The following SENP7 variants were observed in gnomAD, a reference collection of about 807,000 sequenced individuals.
SENP7 encodes the protein sentrin-specific protease 7.
In SENP7, 64 loss-of-function variants were observed where a neutral mutation model predicts 141.2. The observed-to-expected ratio is 0.45, with a 90% CI of 0.37 to 0.56. SENP7 has a LOEUF of 0.56. Ranked by LOEUF, SENP7 falls within the 20% of genes least tolerant of loss-of-function variation. The pLI is 0.00. For synonymous variants in SENP7, 382 were observed against 426.4 expected (o/e 0.90, Z 1.28); for missense variants, 1,025 against 1,212.2 (o/e 0.85, Z 2.29).
chr3:101,388,031 C>A (rs2060709017), intron 6 of SENP7, among the ~76,000 whole-genome samples: 1 of 152,128 alleles, frequency 6.6e-6, no homozygotes, highest in African/African-American at 2.4e-5. Flanking sequence ...CTGGCTAGCC[C>A]AGCCACCACA....
intron 13 of SENP7, among the ~76,000 whole-genome samples, chr3:101,344,608 A>G (rs201751577): frequency 1.4e-3 from 207 of 152,210 alleles, no homozygotes; most frequent in Non-Finnish European, 2.6e-3. Context: ...TCTAAACCCA[A>G]CTCCTTCAGG....
At chr3:101,461,004 A>C (rs961283538) in intron 3 of SENP7, among the ~76,000 whole-genome samples, 1 of 152,104 alleles carries the variant, frequency 6.6e-6, no homozygotes, top group Non-Finnish European at 1.5e-5. Flanking sequence ...TAAAGACAAA[A>C]ATAGTTTTTA....
chr3:101,508,467 C>T (rs1402214017), intron 1 of SENP7, among the ~76,000 whole-genome samples: 1 of 151,984 alleles, frequency 6.6e-6, no homozygotes, highest in Non-Finnish European at 1.5e-5. Context: ...GGCGTGGTGG[C>T]GGGCTCCTGT....
chr3:101,470,868 A>G (rs375673913), intron 3 of SENP7, among the ~76,000 whole-genome samples: 5 of 152,094 alleles, frequency 3.3e-5, no homozygotes, highest in African/African-American at 1.2e-4. Context: ...CAGACAAACA[A>G]AGAGCCAAAT....
At position 101,372,339 on chromosome 3, in the gene SENP7, GA is replaced by G. The variant is rs200352753; in HGVS notation, c.678-214del. Among the ~76,000 whole-genome samples, 1,453 of 151,630 alleles carry G rather than the reference GA, an allele frequency of 9.6e-3. 23 individuals are homozygous for G. The highest frequency in any genetic ancestry group is 0.034 in the African/African-American group (1,387 of 41,388). On this transcript the variant is annotated intron_variant, in intron 6 of 23. Coordinates refer to ENST00000394095, the MANE Select transcript of SENP7 (RefSeq NM_020654.5). ...TAAATTCCCCATGTGTGTTTAGGGG[GA>G]AAAAAAATGAGATATCAACATTGGA...
chr3:101,337,059 CAA>C (rs1213633495), intron 17 of SENP7: 1 of 152,182 alleles, frequency 6.6e-6, no homozygotes, highest in Non-Finnish European at 1.5e-5. Context: ...AGTGAGACAG[CAA>C]AGATTAGCAG....
Position 101,388,244 on chromosome 3 carries a change from A to C in SENP7, c.677+10617T>G, listed in dbSNP as rs551126494. On this transcript the variant is annotated intron_variant, in intron 6 of 23. Coordinates refer to ENST00000394095, the MANE Select transcript of SENP7 (RefSeq NM_020654.5). ...CTGTTAGAAGCCTGGGGGTCCAAGG[A>C]CCAGCACATCCAGCCTGCCACCACC... Among the ~76,000 whole-genome samples, 29 of 152,202 alleles carry C rather than the reference A, an allele frequency of 1.9e-4. No individual in the cohort carries two copies. In the East Asian group the frequency reaches 2.5e-3, roughly 13 times the overall value.
intron 11 of SENP7, among the ~76,000 whole-genome samples, chr3:101,355,149 C>G (rs959388965): frequency 3.9e-5 from 6 of 152,048 alleles, no homozygotes; most frequent in Non-Finnish European, 7.4e-5. Context: ...CAAATATTTC[C>G]TCCCATTCTG....
Position 101,433,228 on chromosome 3 carries a change from C to T in SENP7, c.285-15438G>A, listed in dbSNP as rs549069787. 2.3e-3 allele frequency among the ~76,000 whole-genome samples: 349 copies of T among 151,236 alleles called. 1 individual carries two copies. Among genetic ancestry groups the T allele is most frequent in the African/African-American group, 8.1e-3 (335 of 41,220 alleles). On this transcript the variant is annotated intron_variant, in intron 4 of 23. Coordinates refer to ENST00000394095, the MANE Select transcript of SENP7 (RefSeq NM_020654.5). ...GTAATAAGATAGTATTTTCAAGCCT[C>T]ATGGTAACCTCAAACCAAAAAACAT...
chr3:101,348,181 T>C, intron 12 of SENP7, 130 bp from the exon 13 acceptor site: 1 of 581,618 alleles, frequency 1.7e-6, no homozygotes, highest in South Asian at 4.6e-5. Context: ...TTTTCAAAAA[T>C]ATATTTCCAG....
intron 4 of SENP7, among the ~76,000 whole-genome samples, chr3:101,422,818 A>G (rs1228244663): frequency 6.6e-6 from 1 of 152,182 alleles, no homozygotes; most frequent in Non-Finnish European, 1.5e-5. Flanking sequence ...TAATCACAGC[A>G]GAAAAAAAAT....
intron 4 of SENP7, among the ~76,000 whole-genome samples, chr3:101,448,343 T>C (rs1007055141): frequency 2.0e-5 from 3 of 152,234 alleles, no homozygotes; most frequent in Admixed American, 2.0e-4. Context: ...GAAAATCATA[T>C]ACCTGATAAG....
chr3:101,402,804 T>C (rs533280270), intron 5 of SENP7, among the ~76,000 whole-genome samples: 2 of 152,080 alleles, frequency 1.3e-5, no homozygotes, highest in Non-Finnish European at 2.9e-5. Context: ...TTACAGCTCG[T>C]TGACAATGCA....
At chr3:101,366,921 T>C in intron 8 of SENP7, 152 bp from the exon 9 acceptor site, 1 of 564,838 alleles carries the variant, frequency 1.8e-6, no homozygotes, top group Non-Finnish European at 3.0e-6. Flanking sequence ...TACTTGCCAA[T>C]GTCTCCCAAA....
chr3:101,360,644 TG>T (rs1211836277), intron 11 of SENP7, among the ~76,000 whole-genome samples: 2 of 152,190 alleles, frequency 1.3e-5, no homozygotes, highest in African/African-American at 4.8e-5. Context: ...GAAACATTTA[TG>T]GAAGCTATAA....
chr3:101,372,629 A>G, intron 6 of SENP7, among the ~76,000 whole-genome samples: 1 of 152,058 alleles, frequency 6.6e-6, no homozygotes, highest in Non-Finnish European at 1.5e-5. Context: ...TAAAATAACA[A>G]ATTTTGGAAT....
At chr3:101,330,792 T>C (rs1256048439) in intron 19 of SENP7, among the ~76,000 whole-genome samples, 2 of 152,218 alleles carry the variant, frequency 1.3e-5, no homozygotes, top group Non-Finnish European at 2.9e-5. Flanking sequence ...TAATTAAACA[T>C]AATCAGTTGC....
intron 4 of SENP7, among the ~76,000 whole-genome samples, chr3:101,449,612 C>A (rs2063041742): frequency 3.9e-5 from 6 of 152,204 alleles, no homozygotes; most frequent in Admixed American, 3.9e-4. Flanking sequence ...TCATATCCAG[C>A]CAAACTAAGC....
chr3:101,410,603 T>G (rs941041182), intron 5 of SENP7, among the ~76,000 whole-genome samples: 1 of 152,118 alleles, frequency 6.6e-6, no homozygotes, highest in Non-Finnish European at 1.5e-5. Context: ...TCCCAGCACT[T>G]TGGGACACCA....
Sources: allele counts gnomAD v4.1 joint callset (sites outside exome capture counted in the v4.1 genomes callset), GRCh38; gene constraint gnomAD v4.1.1; transcripts MANE v1.5; gene names NCBI Gene and HGNC (gene_info 2026-07-23, HGNC 2026-07-21).